Variants in ZNF197 observed in about 807,000 individuals in gnomAD.
ZNF197 encodes zinc finger protein 197, also known as VHL-associated KRAB-A domain-containing protein.
In ZNF197, 14 loss-of-function variants were observed where a neutral mutation model predicts 27.4. That is an observed-to-expected ratio of 0.51 (90% CI 0.34 to 0.80). The LOEUF is 0.80. ZNF197 is among the 30% of genes least tolerant of loss of function. The pLI is 0.02. For synonymous variants in ZNF197, 415 were observed against 420.0 expected, an observed-to-expected ratio of 0.99 and a Z score of 0.15; for missense variants, 1,090 against 1,222.6, an observed-to-expected ratio of 0.89 and a Z score of 1.62.
chr3:44,642,490 T>C lies in ZNF197; in HGVS notation c.1360T>C (p.Tyr454His). The change falls in exon 6 of 6, where the codon TAT (tyrosine) becomes CAT (histidine). Residue 454 changes from tyrosine (Y) to histidine (H), a missense_variant. By Grantham distance (83) the Tyr-to-His change is moderately conservative (BLOSUM62 2). Transcript: ENST00000344387. ...HQRIHTGEKP[Y>H]KCKECGKGFY... ...GAGGATCCACACTGGGGAGAAACCT[T>C]ATAAGTGTAAGGAGTGTGGAAAGGG... The C allele has an allele frequency of 6.2e-7, 1 of 1,614,026 alleles. No homozygotes were observed. The highest frequency in any genetic ancestry group is 1.1e-5 in the South Asian group (1 of 91,070).
Position 44,646,646 on chromosome 3 carries a change from C to G in ZNF197, c.*2426C>G. 1 of 679,448 alleles carries G rather than the reference C, an allele frequency of 1.5e-6. No individual in the cohort carries two copies. The highest frequency in any genetic ancestry group is 1.8e-5 in the African/African-American group (1 of 55,520). 42.1% of individuals were successfully genotyped at this position (679,448 alleles called of 1,614,324 possible). A position where few individuals can be genotyped will look rare whatever the true frequency, so the allele number is the denominator to read the frequency against. ...GGGGAGTGAAAATTGTTCAAGCTGT[C>G]TTGAGTCTGCTGTGAGTTTATTATA... On this transcript the variant is annotated 3_prime_UTR_variant, in exon 6 of 6. Coordinates refer to ENST00000344387, the MANE Select transcript of ZNF197 (RefSeq NM_006991.5).
In ZNF197 at chr3:44,643,824, A is replaced by C; in HGVS notation, c.2694A>C (p.Gly898=). The change falls in exon 6 of 6, where the codon GGA becomes GGC. Residue 898 remains glycine (G), a synonymous_variant. Transcript: ENST00000344387. ...TGGTACATCAAAGAATCCATACTGG[A>C]GAGAAACCTTATAAATGTAATGAGT... ...NLMVHQRIHT[G]EKPYKCNECG... is the part of the protein sequence containing the mutation. 6.2e-7 allele frequency: 1 copy of C among 1,613,914 alleles called. No homozygotes were observed. The highest frequency in any genetic ancestry group is 8.5e-7 in the Non-Finnish European group (1 of 1,180,008).
At chr3:44,632,023 CTT>C (rs1702042462) in intron 3 of ZNF197, 80 bp from the exon 4 acceptor site, 4 of 1,239,394 alleles carry the variant, frequency 3.2e-6, no homozygotes, top group Non-Finnish European at 4.8e-6. Flanking sequence ...TACTGCTACT[CTT>C]TGTGTTATTC....
At position 44,645,065 on chromosome 3, in the gene ZNF197, C is replaced by A; in HGVS notation, c.*845C>A. 1 of 985,190 alleles carries A rather than the reference C, an allele frequency of 1.0e-6. No homozygotes were observed. Among genetic ancestry groups the A allele is most frequent in the Non-Finnish European group, 1.2e-6 (1 of 829,758 alleles). The allele number at this position is 985,190 out of a possible 1,614,324, so 61.0% of individuals were successfully genotyped here. A position where few individuals can be genotyped will look rare whatever the true frequency, so the allele number is the denominator to read the frequency against. ...CCTAAAAGAGCACTGGATTTGGAAT[C>A]AGAAGACCTACCTTTGATTCCTGGC... On this transcript the variant is annotated 3_prime_UTR_variant, in exon 6 of 6. Coordinates refer to ENST00000344387, the MANE Select transcript of ZNF197 (RefSeq NM_006991.5).
In ZNF197 at chr3:44,642,104, C is replaced by T. The variant is rs531707405; in HGVS notation, c.974C>T (p.Ser325Phe). Residue 325 changes from serine (S) to phenylalanine (F), a missense_variant, in exon 6 of 6, where the codon TCC (serine) becomes TTC (phenylalanine). Ser to Phe is a radical substitution (Grantham distance 155). Transcript: ENST00000344387. ...AGGGCAGATACAGTGAAGAAAGTTT[C>T]CCTTTGTGAACGAGACAAGAAGAAA... ...DERADTVKKV[S>F]LCERDKKKRT... The T allele has an allele frequency of 1.1e-4, 172 of 1,613,978 alleles. 1 individual carries two copies. In the South Asian group the frequency reaches 1.8e-3, roughly 17 times the overall value.
At chr3:44,629,834 C>A (rs1701882571) in intron 2 of ZNF197, among the ~76,000 whole-genome samples, 1 of 151,962 alleles carries the variant, frequency 6.6e-6, no homozygotes, top group East Asian at 1.9e-4. Flanking sequence ...GACCAAGAAC[C>A]TGAAGAAGAA....
At chr3:44,641,530 G>A (rs1012389739) in intron 5 of ZNF197, among the ~76,000 whole-genome samples, 6 of 152,122 alleles carry the variant, frequency 3.9e-5, no homozygotes, top group Non-Finnish European at 5.9e-5. Flanking sequence ...AAATAATAAA[G>A]AAAGTTACTT....
At position 44,629,298 on chromosome 3, in the gene ZNF197, AC is replaced by A; in HGVS notation, c.145del (p.Arg49ValfsTer12). ...CCTCCCACCTACACTTTAGACAATT[AC>A]GTTACCATGAGACATCTGGACCCCA... ...ETSHLHFRQL[R>X]YHETSGPQEA... is the part of the protein sequence containing the mutation. On this transcript the variant is annotated frameshift_variant, in exon 2 of 6. Transcript: ENST00000344387. LOFTEE classifies it high-confidence loss of function. The A allele has an allele frequency of 6.2e-7, 1 of 1,614,028 alleles. No individual in the cohort carries two copies. Among genetic ancestry groups the A allele is most frequent in the Non-Finnish European group, 8.5e-7 (1 of 1,180,010 alleles).
At position 44,645,798 on chromosome 3, in the gene ZNF197, G is replaced by C; in HGVS notation, c.*1578G>C. 1.0e-6 allele frequency: 1 copy of C among 985,434 alleles called. No homozygotes were observed. The highest frequency in any genetic ancestry group is 1.2e-6 in the Non-Finnish European group (1 of 829,936). The allele number at this position is 985,434 out of a possible 1,614,324, so 61.0% of individuals were successfully genotyped here. ...TTCACATGGAGCCAAGCTCTTCACTGATTAAGCCAGTGCAGAATCCACTTG... is the reference window on the plus strand; with the variant it reads ...TTCACATGGAGCCAAGCTCTTCACTCATTAAGCCAGTGCAGAATCCACTTG... On this transcript the variant is annotated 3_prime_UTR_variant, in exon 6 of 6. Transcript: ENST00000344387.
chr3:44,637,172 A>G (rs1282559206), intron 5 of ZNF197, among the ~76,000 whole-genome samples: 1 of 152,156 alleles, frequency 6.6e-6, no homozygotes, highest in Admixed American at 6.5e-5. Context: ...CCTGTTGCCC[A>G]GGCTGGAGTG....
intron 2 of ZNF197, 148 bp from the exon 3 acceptor site, chr3:44,630,914 G>C: frequency 9.1e-7 from 1 of 1,098,224 alleles, no homozygotes; most frequent in Non-Finnish European, 1.4e-6. Flanking sequence ...TCAATGCAAA[G>C]CTTTACTGCT....
chr3:44,636,033 G>A (rs1434626179), intron 5 of ZNF197, among the ~76,000 whole-genome samples: 1 of 152,200 alleles, frequency 6.6e-6, no homozygotes, highest in African/African-American at 2.4e-5. Context: ...CGGCCGGCAT[G>A]GTGGCTCATG....
chr3:44,634,554 A>G (rs1702177789), intron 5 of ZNF197, among the ~76,000 whole-genome samples: 1 of 151,918 alleles, frequency 6.6e-6, no homozygotes, highest in Admixed American at 6.6e-5. Context: ...GGTTCAAGCA[A>G]TTCTCCTGCC....
Position 44,629,392 on chromosome 3 carries a change from C to T in ZNF197, c.238C>T (p.Gln80Ter), listed in dbSNP as rs1450616496. Residue 80 changes from glutamine to a stop codon, truncating the protein, a stop_gained, in exon 2 of 6, where the codon CAG becomes TAG. Transcript: ENST00000344387. LOFTEE classifies it high-confidence loss of function. ...WLRPEARTKA[Q>*]ILELLVLEQF... ...GAGACCAGAAGCACGCACCAAGGCA[C>T]AGATCCTGGAGCTGCTGGTGCTGGA... The T allele has an allele frequency of 1.2e-6, 2 of 1,614,190 alleles. No homozygotes were observed. Among genetic ancestry groups the T allele is most frequent in the Non-Finnish European group, 1.7e-6 (2 of 1,180,036 alleles).
At chr3:44,631,355 C>CA in intron 3 of ZNF197, 134 bp downstream of exon 3, 1 of 1,098,570 alleles carries the variant, frequency 9.1e-7, no homozygotes, top group Admixed American at 2.5e-5. Context: ...TTCTGCTGTT[C>CA]TGTTGTTCTC....
intron 5 of ZNF197, among the ~76,000 whole-genome samples, chr3:44,636,382 T>C (rs1300989104): frequency 4.0e-5 from 6 of 151,844 alleles, no homozygotes; most frequent in Non-Finnish European, 5.9e-5. Context: ...TCATTTCACC[T>C]AACTCATTCC....
chr3:44,643,232 A>T lies in ZNF197; in HGVS notation c.2102A>T (p.Asn701Ile), dbSNP rs755704541. 6.2e-7 allele frequency: 1 copy of T among 1,614,062 alleles called. No individual in the cohort carries two copies. The highest frequency in any genetic ancestry group is 1.7e-5 in the Admixed American group (1 of 60,014). The change falls in exon 6 of 6, where the codon AAT becomes ATT. Residue 701 changes from asparagine (N) to isoleucine (I), a missense_variant. Asn to Ile is a moderately radical substitution (Grantham distance 149, BLOSUM62 -3). Transcript: ENST00000344387. ...RNLIDHERLH[N>I]GEKPYECREC... ...CTCATTGACCATGAGAGACTCCACAATGGGGAGAAGCCATATGAATGTCGA... is the reference window on the plus strand; with the variant it reads ...CTCATTGACCATGAGAGACTCCACATTGGGGAGAAGCCATATGAATGTCGA...
chr3:44,647,469 A>G lies in ZNF197; in HGVS notation c.*3249A>G, dbSNP rs1014159073. On this transcript the variant is annotated 3_prime_UTR_variant, in exon 6 of 6. Coordinates refer to ENST00000344387, the MANE Select transcript of ZNF197 (RefSeq NM_006991.5). The stretch of plus-strand genomic sequence containing the variant: ...TCTGAGCATTTATCCCAGAGAAATG[A>G]AAACTTGCGTTCACACAAAAACCTG... 3.3e-5 allele frequency: 5 copies of G among 152,220 alleles called. No individual in the cohort carries two copies. Among genetic ancestry groups the G allele is most frequent in the Non-Finnish European group, 7.3e-5 (5 of 68,046 alleles). 9.4% of individuals were successfully genotyped at this position (152,220 alleles called of 1,614,324 possible). A position where few individuals can be genotyped will look rare whatever the true frequency, so the allele number is the denominator to read the frequency against.
intron 1 of ZNF197, among the ~76,000 whole-genome samples, chr3:44,626,820 G>C (rs961705483): frequency 2.6e-5 from 4 of 152,166 alleles, no homozygotes; most frequent in African/African-American, 9.7e-5. Flanking sequence ...CAGCAATTCT[G>C]ATTCAAGGAA....
Sources: allele counts gnomAD v4.1 joint callset (sites outside exome capture counted in the v4.1 genomes callset), GRCh38; gene constraint gnomAD v4.1.1; transcripts MANE v1.5; gene names NCBI Gene and HGNC (gene_info 2026-07-23, HGNC 2026-07-21).